LAMA4: variants seen among roughly 807,000 people sequenced by gnomAD.
LAMA4 encodes the protein laminin subunit alpha 4, also known as laminin subunit alpha-4.
In LAMA4, 127 loss-of-function variants were observed where a neutral mutation model predicts 207.1. The ratio of observed to expected loss-of-function variants is 0.61; its 90% CI spans 0.53 to 0.71. LAMA4 has a LOEUF of 0.71. Among genes scored for constraint, LAMA4 ranks in the 30% least tolerant of loss-of-function variants. The pLI, the probability that LAMA4 is intolerant of heterozygous loss-of-function variation, is 0.00. For missense variants in LAMA4, 2,093 were observed against 2,246.5 expected (o/e 0.93, Z 1.38); for synonymous variants, 761 against 816.0 (o/e 0.93, Z 1.15).
chr6:112,232,266 A>G (rs1184457239), intron 2 of LAMA4, among the ~76,000 whole-genome samples: 4 of 152,192 alleles, frequency 2.6e-5, no homozygotes, highest in Non-Finnish European at 5.9e-5. Flanking sequence ...TATTTAAAAA[A>G]CAGATTTTGC....
chr6:112,167,117 T>C (rs1253965036), intron 12 of LAMA4, among the ~76,000 whole-genome samples: 4 of 152,278 alleles, frequency 2.6e-5, no homozygotes, highest in Admixed American at 2.6e-4. Context: ...GTATGGCTAC[T>C]GTTGGTACAT....
intron 12 of LAMA4, chr6:112,166,198 G>A (rs1554339873): frequency 6.6e-6 from 1 of 152,194 alleles, no homozygotes; most frequent in African/African-American, 2.4e-5. Context: ...ACTCCCTGCA[G>A]TCTTTTCTGG....
Position 112,115,832 on chromosome 6 carries a change from GA to G in LAMA4, c.5112+30del, listed in dbSNP as rs782109170. 117 of 1,607,400 alleles carry G rather than the reference GA, an allele frequency of 7.3e-5. 1 individual carries two copies. The African/African-American group carries it at 1.5e-3, about 20-fold the overall frequency. ...AGATCTAGAATCCAAGGTCAGATGA[GA>G]CAAATTGTTAAACATTTTTCAGACA... On this transcript the variant is annotated intron_variant, in intron 36 of 38. Coordinates refer to ENST00000230538, the MANE Select transcript of LAMA4 (RefSeq NM_001105206.3).
intron 18 of LAMA4, 23 bp downstream of exon 18, chr6:112,148,134 A>T: frequency 6.2e-7 from 1 of 1,606,284 alleles, no homozygotes; most frequent in Admixed American, 1.7e-5. Flanking sequence ...TTAGATTCAA[A>T]TTGTGAAATT....
chr6:112,159,441 T>G, intron 13 of LAMA4: 1 of 158,060 alleles, frequency 6.3e-6, no homozygotes, highest in South Asian at 1.9e-4. Context: ...TAACACAGGC[T>G]CTCTTGGTTT....
chr6:112,108,424 T>C lies in LAMA4; in HGVS notation c.*1013A>G, dbSNP rs1777533448. The stretch of plus-strand genomic sequence containing the variant: ...TGTTGCAGGTATGTGGAGAGCACAC[T>C]TTGTTTTTGAGACAGGATCTCACTC... On this transcript the variant is annotated 3_prime_UTR_variant, in exon 39 of 39. Transcript: ENST00000230538. Among the ~76,000 whole-genome samples, 1 of 152,218 alleles carries C rather than the reference T, an allele frequency of 6.6e-6. No individual in the cohort carries two copies. The highest frequency in any genetic ancestry group is 1.5e-5 in the Non-Finnish European group (1 of 68,042).
At chr6:112,187,845 C>T (rs1377314626) in intron 7 of LAMA4, among the ~76,000 whole-genome samples, 2 of 152,132 alleles carry the variant, frequency 1.3e-5, no homozygotes, top group Non-Finnish European at 2.9e-5. Flanking sequence ...CTAGCACCAG[C>T]CTTCTCCCCA....
chr6:112,158,893 A>G lies in LAMA4; in HGVS notation c.1669-13T>C. 1 of 1,559,782 alleles carries G rather than the reference A, an allele frequency of 6.4e-7. No homozygotes were observed. ...TCCCTGACGCATTCTAAAGAAAAAA[A>G]TTTTAATAAATACATTGAATTTAGA... is the stretch of plus-strand genomic sequence containing the variant. On this transcript the variant is annotated splice_polypyrimidine_tract_variant and intron_variant, in intron 13 of 38. Coordinates refer to ENST00000230538, the MANE Select transcript of LAMA4 (RefSeq NM_001105206.3).
Position 112,141,503 on chromosome 6 carries a change from C to T in LAMA4, c.2668G>A (p.Ala890Thr), listed in dbSNP as rs981527465. The T allele has an allele frequency of 1.3e-6, 2 of 1,593,026 alleles. No homozygotes were observed. The highest frequency in any genetic ancestry group is 1.1e-5 in the South Asian group (1 of 90,608). The change falls in exon 21 of 39, where the codon GCC becomes ACC. Residue 890 changes from alanine (A) to threonine (T), a missense_variant and splice_region_variant. Physicochemically the swap from Ala to Thr is moderately conservative, Grantham distance 58. This residue lies in a region of LAMA4 where 1,704 missense variants were observed against 1,788.4 expected (regional missense o/e 0.95). Coordinates refer to ENST00000230538, the MANE Select transcript of LAMA4 (RefSeq NM_001105206.3). The part of the protein sequence containing the change: ...QFILYLGSKN[A>T]KKEYMGLAIK... ...GCAAGACCCATATACTCTTTTTTGG[C>T]CTGAAATATCAAGAAGTAAGAAGTC...
intron 12 of LAMA4, among the ~76,000 whole-genome samples, chr6:112,169,797 G>A (rs1272358728): frequency 1.3e-5 from 2 of 152,192 alleles, no homozygotes; most frequent in Non-Finnish European, 2.9e-5. Flanking sequence ...AAAAAAATCT[G>A]TATAAGTTTA....
intron 31 of LAMA4, among the ~76,000 whole-genome samples, chr6:112,123,085 G>T (rs1264965420): frequency 1.3e-5 from 2 of 152,282 alleles, no homozygotes; most frequent in East Asian, 3.9e-4. Flanking sequence ...GACCTTAGAT[G>T]ATTGCTGGAA....
At chr6:112,202,563 A>G (rs1356462816) in intron 4 of LAMA4, among the ~76,000 whole-genome samples, 1 of 152,122 alleles carries the variant, frequency 6.6e-6, no homozygotes, top group Non-Finnish European at 1.5e-5. Context: ...ATGTATCAGC[A>G]TTTCTTACCC....
At chr6:112,206,041 A>C (rs1554354068) in intron 4 of LAMA4, among the ~76,000 whole-genome samples, 4 of 152,206 alleles carry the variant, frequency 2.6e-5, no homozygotes, top group Admixed American at 2.6e-4. Context: ...TGCTCTATGC[A>C]TCACTTCCAT....
At chr6:112,237,188 C>T (rs1284755026) in intron 2 of LAMA4, among the ~76,000 whole-genome samples, 5 of 152,222 alleles carry the variant, frequency 3.3e-5, no homozygotes, top group African/African-American at 1.2e-4. Context: ...GAACAGGAAG[C>T]ATAAAAATAT....
rs559621940 is a variant in LAMA4 at position 112,189,906 on chromosome 6, T to C, written c.719-701A>G. Reference sequence around the variant, plus strand: ...CCCAATCTCATCAGACTGTTCAATTTCCACTGAGTTTCTGGGTGGGAACTA... The same window carrying C: ...CCCAATCTCATCAGACTGTTCAATTCCCACTGAGTTTCTGGGTGGGAACTA... On this transcript the variant is annotated intron_variant, in intron 6 of 38. Transcript: ENST00000230538. Among the ~76,000 whole-genome samples the C allele has an allele frequency of 2.6e-5, 4 of 152,278 alleles. No individual in the cohort carries two copies. The South Asian group carries it at 8.3e-4, about 32-fold the overall frequency.
At position 112,108,275 on chromosome 6, in the gene LAMA4, A is replaced by G. The variant is rs587685119; in HGVS notation, c.*1162T>C. 3.4e-4 allele frequency among the ~76,000 whole-genome samples: 51 copies of G among 152,142 alleles called. No homozygotes were observed. The highest frequency in any genetic ancestry group is 5.7e-4 in the Non-Finnish European group (39 of 68,000). On this transcript the variant is annotated 3_prime_UTR_variant, in exon 39 of 39. Coordinates refer to ENST00000230538, the MANE Select transcript of LAMA4 (RefSeq NM_001105206.3). ...CTTCTGAGTTGAGGTTTTTAGATATAATTCTTTTATTTCATTTCTATATTT... is the reference window on the plus strand; with the variant it reads ...CTTCTGAGTTGAGGTTTTTAGATATGATTCTTTTATTTCATTTCTATATTT...
intron 17 of LAMA4, among the ~76,000 whole-genome samples, chr6:112,150,246 G>GAC (rs147860125): frequency 2.0e-4 from 26 of 132,422 alleles, no homozygotes; most frequent in Admixed American, 3.6e-4. Context: ...GACACACACA[G>GAC]ACACACACAC....
chr6:112,110,854 A>G (rs73541483), intron 38 of LAMA4, among the ~76,000 whole-genome samples: 7,535 of 152,202 alleles, frequency 0.05, 618 homozygotes, highest in African/African-American at 0.17. Context: ...CATACAATTA[A>G]TTGTAGGTAG....
chr6:112,114,316 T>C, intron 37 of LAMA4, 121 bp from the exon 38 acceptor site: 1 of 972,466 alleles, frequency 1.0e-6, no homozygotes, highest in East Asian at 2.5e-5. Context: ...CACACTTTCT[T>C]CTATATTATT....
Sources: allele counts gnomAD v4.1 joint callset (sites outside exome capture counted in the v4.1 genomes callset), GRCh38; gene constraint gnomAD v4.1.1; regional missense constraint gnomAD v4.1.1; transcripts MANE v1.5; gene names NCBI Gene and HGNC (gene_info 2026-07-23, HGNC 2026-07-21).